CYP2C19: variants seen among roughly 807,000 people sequenced by gnomAD.
CYP2C19 encodes the protein cytochrome P450 2C19.
Under a neutral mutation model 40.9 loss-of-function variants are expected in CYP2C19, and 59 were observed. That is an observed-to-expected ratio of 1.44 (90% CI 1.17 to 1.79). The LOEUF is 1.79. Ranked by LOEUF, CYP2C19 falls within the 40% of genes most tolerant of loss-of-function variation. CYP2C19 has a pLI of 0.00. For synonymous variants in CYP2C19, 253 were observed against 208.7 expected, an observed-to-expected ratio of 1.21 and a Z score of -1.83; for missense variants, 754 against 596.9, an observed-to-expected ratio of 1.26 and a Z score of -2.74.
chr10:94,778,853 G>A (rs764021079), intron 3 of CYP2C19, among the ~76,000 whole-genome samples: 1 of 152,016 alleles, frequency 6.6e-6, no homozygotes, highest in Non-Finnish European at 1.5e-5. Context: ...GCAAAGACTT[G>A]GAACCAACCC....
At chr10:94,767,019 T>A (rs1848254789) in intron 1 of CYP2C19, among the ~76,000 whole-genome samples, 1 of 152,176 alleles carries the variant, frequency 6.6e-6, no homozygotes, top group Admixed American at 6.5e-5. Context: ...TCATTGATAT[T>A]TTGCCAAAGA....
intron 5 of CYP2C19, among the ~76,000 whole-genome samples, chr10:94,782,762 A>G (rs1278909148): frequency 1.3e-5 from 2 of 152,184 alleles, no homozygotes; most frequent in Non-Finnish European, 2.9e-5. Context: ...CATATACACC[A>G]TAAAATACTA....
chr10:94,810,886 A>C (rs537711622), intron 5 of CYP2C19, among the ~76,000 whole-genome samples: 8 of 152,278 alleles, frequency 5.3e-5, no homozygotes, highest in African/African-American at 1.9e-4. Flanking sequence ...TATCTCCTTC[A>C]ATTCTGCTCT....
At chr10:94,778,531 G>T (rs1051723205) in intron 3 of CYP2C19, among the ~76,000 whole-genome samples, 1 of 152,134 alleles carries the variant, frequency 6.6e-6, no homozygotes, top group African/African-American at 2.4e-5. Context: ...CTCATCACTG[G>T]TCATTAGAGA....
rs191446188 is a variant in CYP2C19 at position 94,794,187 on chromosome 10, C to T, written c.819+12190C>T. 1.6e-3 allele frequency among the ~76,000 whole-genome samples: 237 copies of T among 152,214 alleles called. 1 individual carries two copies. The highest frequency in any genetic ancestry group is 2.7e-3 in the Non-Finnish European group (187 of 68,028). On this transcript the variant is annotated intron_variant, in intron 5 of 8. Transcript: ENST00000371321. ...GCATGGGATATAATCTCCTGGTGTG[C>T]CATTTGCTAAGGCCATTGGAAAAGC...
chr10:94,840,418 T>A (rs1404083053), intron 6 of CYP2C19, among the ~76,000 whole-genome samples: 2 of 152,106 alleles, frequency 1.3e-5, no homozygotes, highest in East Asian at 3.9e-4. Flanking sequence ...ATACCAGGGA[T>A]AAGACTCCCT....
chr10:94,854,005 C>A lies in CYP2C19; in HGVS notation c.*1091C>A, dbSNP rs529385393. Among the ~76,000 whole-genome samples, 12 of 151,806 alleles carry A rather than the reference C, an allele frequency of 7.9e-5. No individual in the cohort carries two copies. The highest frequency in any genetic ancestry group is 1.5e-4 in the Non-Finnish European group (10 of 67,940). The stretch of plus-strand genomic sequence containing the variant: ...TCATGCTTCTCTCTTCAAACATGAA[C>A]AAAATTTCTTTTCTTTTTTCTTTTT... On this transcript the variant is annotated 3_prime_UTR_variant, in exon 9 of 9. Transcript: ENST00000371321.
rs61311738 is a variant in CYP2C19 at position 94,780,535 on chromosome 10, C to A, written c.518C>A (p.Ala173Asp). Residue 173 changes from alanine to aspartate, a missense_variant, in exon 4 of 9, where the codon GCT becomes GAT. Ala to Asp is a moderately radical substitution (Grantham distance 126). Transcript: ENST00000371321. ...PCDPTFILGCAPCNVICSIIF... is the reference protein window; with the variant it reads ...PCDPTFILGCDPCNVICSIIF... ...GATCCCACTTTCATCCTGGGCTGTG[C>A]TCCCTGCAATGTGATCTGCTCCATT... 6.2e-6 allele frequency: 10 copies of A among 1,613,690 alleles called. No individual in the cohort carries two copies. Among genetic ancestry groups the A allele is most frequent in the Non-Finnish European group, 8.5e-7 (1 of 1,179,936 alleles).
intron 6 of CYP2C19, among the ~76,000 whole-genome samples, chr10:94,841,838 C>T (rs1048694612): frequency 6.6e-6 from 1 of 152,086 alleles, no homozygotes; most frequent in Non-Finnish European, 1.5e-5. Flanking sequence ...AGTTTTATTA[C>T]TTGGTGGTCA....
chr10:94,823,503 A>G (rs536282581), intron 6 of CYP2C19, among the ~76,000 whole-genome samples: 1 of 152,290 alleles, frequency 6.6e-6, no homozygotes, highest in African/African-American at 2.4e-5. Flanking sequence ...TGATCTAGAG[A>G]AATGACATTT....
chr10:94,828,260 G>T (rs905705231), intron 6 of CYP2C19, among the ~76,000 whole-genome samples: 1 of 150,888 alleles, frequency 6.6e-6, no homozygotes, highest in Non-Finnish European at 1.5e-5. Context: ...GTTGACAGTG[G>T]GGTGTTAAAG....
chr10:94,810,394 C>T (rs1245510811), intron 5 of CYP2C19, among the ~76,000 whole-genome samples: 1 of 152,012 alleles, frequency 6.6e-6, no homozygotes, highest in African/African-American at 2.4e-5. Context: ...ATGATTCTTC[C>T]CTTATAAAAT....
intron 6 of CYP2C19, among the ~76,000 whole-genome samples, chr10:94,832,386 A>G (rs1445286341): frequency 1.3e-5 from 2 of 152,204 alleles, no homozygotes; most frequent in Admixed American, 6.5e-5. Context: ...CCATTTATAA[A>G]ACCATCAGAT....
Position 94,775,509 on chromosome 10 carries a change from T to A in CYP2C19, c.451T>A (p.Cys151Ser). 1 of 1,614,012 alleles carries A rather than the reference T, an allele frequency of 6.2e-7. No individual in the cohort carries two copies. The highest frequency in any genetic ancestry group is 2.2e-5 in the East Asian group (1 of 44,890). ...GGACCGTGTTCAAGAGGAAGCCCGC[T>A]GCCTTGTGGAGGAGTTGAGAAAAAC... Reference protein sequence around the residue: ...IEDRVQEEARCLVEELRKTKA... With the variant: ...IEDRVQEEARSLVEELRKTKA... The change falls in exon 3 of 9, where the codon TGC becomes AGC. Residue 151 changes from cysteine (C) to serine (S), a missense_variant. Coordinates refer to ENST00000371321, the MANE Select transcript of CYP2C19 (RefSeq NM_000769.4).
In CYP2C19 at chr10:94,850,033, T is replaced by C; in HGVS notation, c.1266T>C (p.Ser422=). 1 of 1,613,674 alleles carries C rather than the reference T, an allele frequency of 6.2e-7. No homozygotes were observed. The highest frequency in any genetic ancestry group is 1.1e-5 in the South Asian group (1 of 91,076). ...FLDEGGNFKK[S]NYFMPFSAGK... ...ATGAAGGTGGAAATTTTAAGAAAAG[T>C]AACTACTTCATGCCTTTCTCAGCAG... The change falls in exon 8 of 9, where the codon AGT becomes AGC. Residue 422 remains serine, a synonymous_variant. Coordinates refer to ENST00000371321, the MANE Select transcript of CYP2C19 (RefSeq NM_000769.4).
chr10:94,789,976 G>C (rs1848585675), intron 5 of CYP2C19, among the ~76,000 whole-genome samples: 1 of 152,128 alleles, frequency 6.6e-6, no homozygotes, highest in Non-Finnish European at 1.5e-5. Flanking sequence ...CTATCCATGA[G>C]CATGGAATGT....
intron 5 of CYP2C19, among the ~76,000 whole-genome samples, chr10:94,813,128 T>C (rs576282648): frequency 6.6e-6 from 1 of 152,242 alleles, no homozygotes; most frequent in East Asian, 1.9e-4. Context: ...CAGGCCCTTC[T>C]GCTGCAGGTC....
intron 6 of CYP2C19, among the ~76,000 whole-genome samples, chr10:94,841,313 G>C (rs186250809): frequency 6.6e-6 from 1 of 152,196 alleles, no homozygotes; most frequent in African/African-American, 2.4e-5. Flanking sequence ...AATGGCAATG[G>C]GACCCTCACT....
At chr10:94,842,788 A>G (rs779703132) in intron 6 of CYP2C19, 49 bp from the exon 7 acceptor site, 38 of 1,591,660 alleles carry the variant, frequency 2.4e-5, no homozygotes, top group Non-Finnish European at 3.2e-5. Flanking sequence ...GCTAGAACAA[A>G]TGTTCCATTT....
Sources: allele counts gnomAD v4.1 joint callset (sites outside exome capture counted in the v4.1 genomes callset), GRCh38; gene constraint gnomAD v4.1.1; transcripts MANE v1.5; gene names NCBI Gene and HGNC (gene_info 2026-07-23, HGNC 2026-07-21).